The following TENM4 variants were observed in gnomAD, a reference collection of about 807,000 sequenced individuals.
The protein encoded by TENM4 is teneurin transmembrane protein 4.
In TENM4, 82 loss-of-function variants were observed where a neutral mutation model predicts 243.3. That is an observed-to-expected ratio of 0.34 (90% CI 0.28 to 0.40). The LOEUF is 0.40. TENM4 is among the 10% of genes least tolerant of loss of function. TENM4 has a pLI of 1.00. For synonymous variants in TENM4, 1,412 were observed against 1,456.3 expected (o/e 0.97, Z 0.69); for missense variants, 3,138 against 3,673.3 (o/e 0.85, Z 3.77).
At chr11:78,933,723 C>T (rs75024368) in intron 6 of TENM4, among the ~76,000 whole-genome samples, 5,565 of 152,200 alleles carry the variant, frequency 0.037, 360 homozygotes, top group African/African-American at 0.13. Context: ...CAGCCAGCCA[C>T]GTGTAAGCTG....
intron 3 of TENM4, among the ~76,000 whole-genome samples, chr11:79,172,920 C>T (rs979446381): frequency 6.6e-6 from 1 of 152,164 alleles, no homozygotes; most frequent in Admixed American, 6.5e-5. Context: ...GGATTACAGG[C>T]GTGAGCCACC....
intron 4 of TENM4, among the ~76,000 whole-genome samples, chr11:79,117,914 C>T (rs192461882): frequency 1.2e-4 from 18 of 152,142 alleles, no homozygotes; most frequent in South Asian, 2.1e-4. Flanking sequence ...GACATACCTG[C>T]GCAGGGAACA....
intron 15 of TENM4, among the ~76,000 whole-genome samples, chr11:78,789,865 G>A (rs1432552184): frequency 6.6e-6 from 1 of 152,206 alleles, no homozygotes; most frequent in Non-Finnish European, 1.5e-5. Context: ...ACAAAAGACA[G>A]TAAGACTTGG....
intron 18 of TENM4, among the ~76,000 whole-genome samples, chr11:78,770,372 G>T (rs1263679120): frequency 6.6e-6 from 1 of 152,200 alleles, no homozygotes; most frequent in Non-Finnish European, 1.5e-5. Context: ...AGGATGCACA[G>T]GGAGTCAAAG....
intron 6 of TENM4, among the ~76,000 whole-genome samples, chr11:78,933,513 G>A (rs1856716006): frequency 6.6e-6 from 1 of 152,202 alleles, no homozygotes; most frequent in South Asian, 2.1e-4. Flanking sequence ...CTTCAGTGCT[G>A]CTTGTAACTT....
At chr11:79,216,992 T>C (rs1864063067) in intron 2 of TENM4, among the ~76,000 whole-genome samples, 2 of 152,026 alleles carry the variant, frequency 1.3e-5, no homozygotes, top group Non-Finnish European at 2.9e-5. Context: ...CTCTGGCTAA[T>C]GACTTCCCCC....
At chr11:79,330,280 G>A (rs1161119026) in intron 1 of TENM4, among the ~76,000 whole-genome samples, 1 of 152,210 alleles carries the variant, frequency 6.6e-6, no homozygotes, top group Non-Finnish European at 1.5e-5. Context: ...CTGGCCATGG[G>A]AGTGAGGAAA....
chr11:79,276,476 A>G (rs1008741204), intron 2 of TENM4, among the ~76,000 whole-genome samples: 1 of 152,162 alleles, frequency 6.6e-6, no homozygotes. Context: ...GAAAGTGTAG[A>G]TGTTTGGAGG....
At chr11:79,394,199 A>G (rs962831925) in intron 1 of TENM4, among the ~76,000 whole-genome samples, 2 of 152,206 alleles carry the variant, frequency 1.3e-5, no homozygotes, top group Non-Finnish European at 2.9e-5. Context: ...GGTTCTCTCC[A>G]GAGCAAGGGT....
At chr11:79,338,779 G>A (rs1440010125) in intron 1 of TENM4, among the ~76,000 whole-genome samples, 1 of 152,148 alleles carries the variant, frequency 6.6e-6, no homozygotes, top group Non-Finnish European at 1.5e-5. Flanking sequence ...CTGGACCTAG[G>A]TTCAAAGTCC....
chr11:79,017,977 G>A (rs901243975), intron 6 of TENM4, among the ~76,000 whole-genome samples: 1 of 152,210 alleles, frequency 6.6e-6, no homozygotes, highest in Non-Finnish European at 1.5e-5. Flanking sequence ...GAGAGGAAAG[G>A]TGGTCCTCCC....
chr11:78,821,248 C>G (rs988253335), intron 12 of TENM4, among the ~76,000 whole-genome samples: 1 of 152,170 alleles, frequency 6.6e-6, no homozygotes, highest in African/African-American at 2.4e-5. Flanking sequence ...TGGGGACAAA[C>G]CAAATTTTAC....
chr11:79,406,060 G>A (rs1015543799), intron 1 of TENM4, among the ~76,000 whole-genome samples: 7 of 151,970 alleles, frequency 4.6e-5, no homozygotes, highest in East Asian at 3.9e-4. Context: ...CTTAACCACC[G>A]CACCAGGGCT....
At chr11:78,766,134 G>A (rs779323531) in intron 18 of TENM4, among the ~76,000 whole-genome samples, 1 of 152,194 alleles carries the variant, frequency 6.6e-6, no homozygotes, top group South Asian at 2.1e-4. Flanking sequence ...GAGAAGTTAA[G>A]TACATCACTC....
chr11:79,055,784 C>G (rs886845518), intron 6 of TENM4, among the ~76,000 whole-genome samples: 1 of 152,156 alleles, frequency 6.6e-6, no homozygotes, highest in Non-Finnish European at 1.5e-5. Context: ...TCCTAAGTAG[C>G]TGAGTTGGGA....
At chr11:78,717,131 A>G (rs868499489) in intron 25 of TENM4, among the ~76,000 whole-genome samples, 1 of 152,180 alleles carries the variant, frequency 6.6e-6, no homozygotes, top group Non-Finnish European at 1.5e-5. Context: ...CAGTTCCTCA[A>G]ACATAACCTT....
chr11:79,361,776 A>G lies in TENM4; in HGVS notation c.-320-64233T>C, dbSNP rs116602426. 9.0e-3 allele frequency among the ~76,000 whole-genome samples: 1,365 copies of G among 152,346 alleles called. 19 individuals are homozygous for G. The highest frequency in any genetic ancestry group is 0.031 in the African/African-American group (1,275 of 41,574). Reference sequence around the variant, plus strand: ...AATAAATATCGCAACAGAAAAAAAAAATACAGAGACTATGTATCTGTGGGA... The same window carrying G: ...AATAAATATCGCAACAGAAAAAAAAGATACAGAGACTATGTATCTGTGGGA... On this transcript the variant is annotated intron_variant, in intron 1 of 33. Transcript: ENST00000278550.
intron 6 of TENM4, among the ~76,000 whole-genome samples, chr11:79,005,217 T>C (rs886546784): frequency 6.6e-6 from 1 of 152,064 alleles, no homozygotes; most frequent in Non-Finnish European, 1.5e-5. Context: ...ACTGAAACTA[T>C]TCCAAAAAAT....
chr11:79,066,912 C>T (rs1860275041), intron 5 of TENM4, among the ~76,000 whole-genome samples: 1 of 152,184 alleles, frequency 6.6e-6, no homozygotes, highest in African/African-American at 2.4e-5. Context: ...TCTCAGGCCT[C>T]CTACTCAGCT....
Sources: allele counts gnomAD v4.1 joint callset (sites outside exome capture counted in the v4.1 genomes callset), GRCh38; gene constraint gnomAD v4.1.1; transcripts MANE v1.5; gene names NCBI Gene and HGNC (gene_info 2026-07-23, HGNC 2026-07-21).